Variants in WASF3 observed in about 807,000 individuals in gnomAD.
The protein encoded by WASF3 is WASP family member 3.
A neutral mutation model predicts 46.6 loss-of-function variants in WASF3; 11 were observed. The observed-to-expected ratio is 0.24, with a 90% confidence interval of 0.15 to 0.39. The LOEUF (loss-of-function observed/expected upper bound fraction) is 0.39, where lower values mean the gene tolerates loss of function less well. Ranked by LOEUF, WASF3 falls within the 10% of genes least tolerant of loss-of-function variation. The pLI is 1.00. For synonymous variants in WASF3, 242 were observed against 259.7 expected, an observed-to-expected ratio of 0.93 and a Z score of 0.65; for missense variants, 576 against 669.8, an observed-to-expected ratio of 0.86 and a Z score of 1.55.
chr13:26,670,803 T>G (rs1404270832), intron 5 of WASF3, among the ~76,000 whole-genome samples: 2 of 152,198 alleles, frequency 1.3e-5, no homozygotes, highest in African/African-American at 4.8e-5. Flanking sequence ...TAGTGTGAGT[T>G]GCACTGGCTC....
At chr13:26,651,289 C>T (rs1314958585) in intron 3 of WASF3, among the ~76,000 whole-genome samples, 1 of 151,790 alleles carries the variant, frequency 6.6e-6, no homozygotes, top group Non-Finnish European at 1.5e-5. Context: ...CCACTGCACT[C>T]CATCATAGGC....
At chr13:26,632,242 C>T (rs1881672942) in intron 2 of WASF3, among the ~76,000 whole-genome samples, 1 of 152,174 alleles carries the variant, frequency 6.6e-6, no homozygotes, top group Admixed American at 6.5e-5. Context: ...GCATCCTTGT[C>T]TTGTGCCGGT....
intron 2 of WASF3, among the ~76,000 whole-genome samples, chr13:26,624,965 C>G (rs1473056333): frequency 6.6e-6 from 1 of 151,918 alleles, no homozygotes; most frequent in Non-Finnish European, 1.5e-5. Flanking sequence ...GAATTTATTG[C>G]CACAGATCTG....
chr13:26,622,025 C>T (rs1311750660), intron 2 of WASF3, among the ~76,000 whole-genome samples: 4 of 152,060 alleles, frequency 2.6e-5, no homozygotes, highest in Non-Finnish European at 5.9e-5. Flanking sequence ...ACTTTCATTC[C>T]GAGGGCAAAA....
chr13:26,568,580 G>A (rs1405563149), intron 1 of WASF3, among the ~76,000 whole-genome samples: 1 of 152,166 alleles, frequency 6.6e-6, no homozygotes, highest in African/African-American at 2.4e-5. Context: ...TGTTAACCAC[G>A]TGAGCAAGTG....
At chr13:26,603,175 ATTC>A (rs980664777) in intron 1 of WASF3, among the ~76,000 whole-genome samples, 33 of 152,294 alleles carry the variant, frequency 2.2e-4, no homozygotes, top group African/African-American at 7.5e-4. Flanking sequence ...AGACAGCACT[ATTC>A]TTCTTCTGGC....
chr13:26,662,123 C>T (rs1339930147), intron 3 of WASF3, among the ~76,000 whole-genome samples: 1 of 152,150 alleles, frequency 6.6e-6, no homozygotes, highest in Non-Finnish European at 1.5e-5. Flanking sequence ...GTTAGAAAGG[C>T]TACTATTAAA....
chr13:26,650,006 T>C (rs1593170038), intron 3 of WASF3, among the ~76,000 whole-genome samples: 1 of 151,928 alleles, frequency 6.6e-6, no homozygotes, highest in African/African-American at 2.4e-5. Flanking sequence ...CAGGCGGAGG[T>C]TGCAGTGAGC....
chr13:26,673,403 C>T (rs1882976096), intron 6 of WASF3, among the ~76,000 whole-genome samples: 1 of 152,046 alleles, frequency 6.6e-6, no homozygotes, highest in Non-Finnish European at 1.5e-5. Context: ...TGTTGAATGC[C>T]TTCTAAATGC....
chr13:26,564,111 A>G (rs145763931), intron 1 of WASF3, among the ~76,000 whole-genome samples: 199 of 152,332 alleles, frequency 1.3e-3, no homozygotes, highest in African/African-American at 4.3e-3. Flanking sequence ...TTGTATGCCA[A>G]CTATGTCTGA....
At chr13:26,601,983 GATA>G (rs1196584300) in intron 1 of WASF3, among the ~76,000 whole-genome samples, 5 of 152,220 alleles carry the variant, frequency 3.3e-5, no homozygotes, top group Admixed American at 3.3e-4. Flanking sequence ...GTTGTCCAGG[GATA>G]ATAACTGCCG....
chr13:26,613,741 G>T (rs1881050453), intron 2 of WASF3, among the ~76,000 whole-genome samples: 2 of 152,172 alleles, frequency 1.3e-5, no homozygotes, highest in African/African-American at 2.4e-5. Context: ...CTGCACTCCA[G>T]CCTGGCGACA....
At chr13:26,560,692 C>A (rs902327208) in intron 1 of WASF3, among the ~76,000 whole-genome samples, 8 of 152,164 alleles carry the variant, frequency 5.3e-5, no homozygotes, top group Admixed American at 3.3e-4. Flanking sequence ...TCATGCATGA[C>A]CTAATCCATT....
chr13:26,670,268 T>TGCATGTTC (rs1882892021), intron 5 of WASF3, among the ~76,000 whole-genome samples: 1 of 151,766 alleles, frequency 6.6e-6, no homozygotes, highest in African/African-American at 2.4e-5. Flanking sequence ...AGAAAAACAC[T>TGCATGTTC]GCATGTTCTC....
At chr13:26,616,992 T>C (rs1881154351) in intron 2 of WASF3, among the ~76,000 whole-genome samples, 1 of 152,240 alleles carries the variant, frequency 6.6e-6, no homozygotes, top group African/African-American at 2.4e-5. Context: ...CATTTCTGAT[T>C]GAATTGTATT....
chr13:26,655,659 T>TC (rs2137442083), intron 3 of WASF3, among the ~76,000 whole-genome samples: 1 of 152,356 alleles, frequency 6.6e-6, no homozygotes, highest in Admixed American at 6.5e-5. Flanking sequence ...CATAATTTCT[T>TC]CAACATTAGT....
At chr13:26,566,994 G>A (rs1207035161) in intron 1 of WASF3, among the ~76,000 whole-genome samples, 3 of 152,280 alleles carry the variant, frequency 2.0e-5, no homozygotes, top group African/African-American at 7.2e-5. Context: ...TCACACTTGG[G>A]GCTTTGAATT....
Position 26,627,866 on chromosome 13 carries a change from C to T in WASF3, c.-10-14395C>T, listed in dbSNP as rs190863621. 8.4e-3 allele frequency among the ~76,000 whole-genome samples: 1,247 copies of T among 147,652 alleles called. 18 individuals carry two copies. Among genetic ancestry groups the T allele is most frequent in the African/African-American group, 0.029 (1,164 of 40,282 alleles). ...CTAACCTGCACAATGTGCACATGTA[C>T]CCTAAAACTTAAAGTATAATAATAA... On this transcript the variant is annotated intron_variant, in intron 2 of 9. Coordinates refer to ENST00000335327, the MANE Select transcript of WASF3 (RefSeq NM_006646.6).
chr13:26,636,499 G>C (rs543770276), intron 2 of WASF3, among the ~76,000 whole-genome samples: 1 of 152,132 alleles, frequency 6.6e-6, no homozygotes, highest in Non-Finnish European at 1.5e-5. Context: ...GCTTTGGCTC[G>C]CCCTCCATGG....
Sources: allele counts gnomAD v4.1 joint callset (sites outside exome capture counted in the v4.1 genomes callset), GRCh38; gene constraint gnomAD v4.1.1; transcripts MANE v1.5; gene names NCBI Gene and HGNC (gene_info 2026-07-23, HGNC 2026-07-21).